Variants in VPS13A observed in about 807,000 individuals in gnomAD.
The protein encoded by VPS13A is vacuolar protein sorting 13 homolog A, also known as intermembrane lipid transfer protein VPS13A.
In VPS13A, 264 loss-of-function variants were observed where a neutral mutation model predicts 390.9. The observed-to-expected ratio is 0.68, with a 90% CI of 0.61 to 0.75. The LOEUF (loss-of-function observed/expected upper bound fraction) is 0.75, where lower values mean the gene tolerates loss of function less well. VPS13A is among the 30% of genes least tolerant of loss of function. The pLI is 0.00. For missense variants in VPS13A, 3,409 were observed against 3,733.9 expected (o/e 0.91, Z 2.27); for synonymous variants, 1,231 against 1,227.1 (o/e 1.00, Z -0.07).
In VPS13A at chr9:77,281,875, G is replaced by T. The variant is rs1827046278; in HGVS notation, c.2913G>T (p.Lys971Asn). ...LLTLEYVKAE[K>N]NVPDLKSTYN... ...GTTTTCTCTTTGGATAGGCTGAAAA[G>T]AATGTACCCGACTTGAAAAGTACCT... Residue 971 changes from lysine (K) to asparagine (N), a missense_variant, in exon 28 of 72, where the codon AAG (lysine) becomes AAT (asparagine). This residue lies in a region of VPS13A where 2,717 missense variants were observed against 2,917.4 expected (regional missense o/e 0.93). Coordinates refer to ENST00000360280, the MANE Select transcript of VPS13A (RefSeq NM_033305.3). The T allele has an allele frequency of 2.5e-6, 4 of 1,602,362 alleles. No individual in the cohort carries two copies. Among genetic ancestry groups the T allele is most frequent in the Non-Finnish European group, 3.4e-6 (4 of 1,170,540 alleles).
intron 19 of VPS13A, among the ~76,000 whole-genome samples, chr9:77,245,929 G>A (rs754221050): frequency 6.6e-6 from 1 of 152,140 alleles, no homozygotes; most frequent in Admixed American, 6.5e-5. Context: ...GAAAGAGTTG[G>A]GGAGCCCACA....
chr9:77,387,804 T>G (rs1311839562), intron 68 of VPS13A, among the ~76,000 whole-genome samples: 1 of 152,220 alleles, frequency 6.6e-6, no homozygotes, highest in Non-Finnish European at 1.5e-5. Flanking sequence ...TGTTGAATGT[T>G]GATTTTAAGT....
intron 45 of VPS13A, among the ~76,000 whole-genome samples, chr9:77,329,253 G>A (rs1043674015): frequency 1.3e-5 from 2 of 152,176 alleles, no homozygotes; most frequent in African/African-American, 4.8e-5. Flanking sequence ...TATCATTTGT[G>A]TGTTCACTGG....
At chr9:77,195,395 A>G (rs1323338361) in intron 1 of VPS13A, among the ~76,000 whole-genome samples, 3 of 150,798 alleles carry the variant, frequency 2.0e-5, no homozygotes, top group Non-Finnish European at 4.4e-5. Flanking sequence ...AAGTGCTGGG[A>G]TTACAGGCGT....
chr9:77,340,563 ATT>A lies in VPS13A; in HGVS notation c.7026+15_7026+16del. 1 of 1,611,692 alleles carries A rather than the reference ATT, an allele frequency of 6.2e-7. No individual in the cohort carries two copies. The highest frequency in any genetic ancestry group is 8.5e-7 in the Non-Finnish European group (1 of 1,179,466). On this transcript the variant is annotated intron_variant, in intron 50 of 71. Coordinates refer to ENST00000360280, the MANE Select transcript of VPS13A (RefSeq NM_033305.3). Reference sequence around the variant, plus strand: ...TGATTTGGAGCAGGTGGGTAGATGAATTTCAAAAATATACCTCTTTGGATTCT... The same window carrying A: ...TGATTTGGAGCAGGTGGGTAGATGAATCAAAAATATACCTCTTTGGATTCT...
chr9:77,231,368 C>T (rs550767010), intron 17 of VPS13A, among the ~76,000 whole-genome samples: 1 of 152,172 alleles, frequency 6.6e-6, no homozygotes, highest in South Asian at 2.1e-4. Flanking sequence ...TAGGTGTGGT[C>T]TGCATCATTT....
chr9:77,290,935 T>C (rs1379004103), intron 31 of VPS13A, among the ~76,000 whole-genome samples: 1 of 152,232 alleles, frequency 6.6e-6, no homozygotes, highest in Non-Finnish European at 1.5e-5. Context: ...TCTGATTCTG[T>C]TGATTCCTTT....
Position 77,420,694 on chromosome 9 carries a change from A to G in VPS13A, c.*4688A>G, listed in dbSNP as rs1564007710. On this transcript the variant is annotated 3_prime_UTR_variant, in exon 72 of 72. Coordinates refer to ENST00000360280, the MANE Select transcript of VPS13A (RefSeq NM_033305.3). The stretch of plus-strand genomic sequence containing the variant: ...GAACTATTCATTTAGTGTTACTCTG[A>G]TATGTTAATAATGTATTCCTTCTAA... 6.6e-6 allele frequency: 1 copy of G among 152,214 alleles called. No homozygotes were observed. The highest frequency in any genetic ancestry group is 2.4e-5 in the African/African-American group (1 of 41,464). 9.4% of individuals were successfully genotyped at this position (152,214 alleles called of 1,614,324 possible).
rs1017574389 is a variant in VPS13A at position 77,213,254 on chromosome 9, G to C, written c.636G>C (p.Leu212=). The change falls in exon 9 of 72, where the codon CTG becomes CTC. Residue 212 remains leucine (L), a synonymous_variant. Transcript: ENST00000360280. ...LVRKLIRLDN[L]FAYWNVKSQM... The stretch of plus-strand genomic sequence containing the variant: ...TTCAGTTAATCCGATTGGATAACCT[G>C]TTTGCCTATTGGAATGTGAAGTCTC... The C allele has an allele frequency of 4.7e-5, 76 of 1,613,548 alleles. No homozygotes were observed. The highest frequency in any genetic ancestry group is 6.2e-5 in the Non-Finnish European group (73 of 1,179,846).
At chr9:77,340,099 T>A in intron 48 of VPS13A, 79 bp from the exon 49 acceptor site, 1 of 1,438,126 alleles carries the variant, frequency 7.0e-7, no homozygotes, top group Non-Finnish European at 9.7e-7. Context: ...TTGTTTATGC[T>A]AAAAAGTAAT....
At chr9:77,191,683 G>T in intron 1 of VPS13A, among the ~76,000 whole-genome samples, 1 of 152,132 alleles carries the variant, frequency 6.6e-6, no homozygotes, top group East Asian at 1.9e-4. Flanking sequence ...CCATGGAATT[G>T]TATGGTTTTG....
chr9:77,361,158 T>G (rs539942884), intron 59 of VPS13A, among the ~76,000 whole-genome samples: 1 of 152,262 alleles, frequency 6.6e-6, no homozygotes, highest in East Asian at 1.9e-4. Context: ...ATTTCACCCA[T>G]TTAAAAGATA....
chr9:77,205,888 C>T (rs1402992717), intron 4 of VPS13A, 90 bp from the exon 5 acceptor site: 18 of 1,040,274 alleles, frequency 1.7e-5, no homozygotes, highest in Non-Finnish European at 2.1e-5. Context: ...CCGCGCCCGG[C>T]CAATTAATGA....
At chr9:77,228,775 C>T (rs1026996550) in intron 17 of VPS13A, among the ~76,000 whole-genome samples, 6 of 152,144 alleles carry the variant, frequency 3.9e-5, no homozygotes, top group African/African-American at 1.4e-4. Flanking sequence ...ACCAACAGCT[C>T]CACATGGCTG....
chr9:77,283,686 T>A, intron 31 of VPS13A, 36 bp downstream of exon 31: 1 of 1,458,460 alleles, frequency 6.9e-7, no homozygotes. Context: ...AGTACATCAT[T>A]AAATAGGATT....
At chr9:77,227,532 A>G (rs868317403) in intron 16 of VPS13A, 47 bp downstream of exon 16, 12 of 1,384,216 alleles carry the variant, frequency 8.7e-6, no homozygotes, top group Middle Eastern at 4.0e-4. Context: ...TTATTTATTT[A>G]TTTGTTTAGA....
chr9:77,285,692 G>A (rs943752890), intron 31 of VPS13A, among the ~76,000 whole-genome samples: 19 of 152,218 alleles, frequency 1.2e-4, no homozygotes, highest in African/African-American at 4.6e-4. Context: ...TATAGAATTT[G>A]CATTATTCCT....
intron 68 of VPS13A, among the ~76,000 whole-genome samples, chr9:77,398,618 GAC>G (rs1231240968): frequency 2.6e-5 from 4 of 152,092 alleles, no homozygotes; most frequent in Non-Finnish European, 5.9e-5. Flanking sequence ...ACTACAACGT[GAC>G]ATTTGTAGAC....
At chr9:77,382,830 A>T (rs185425969) in intron 68 of VPS13A, 1 of 985,400 alleles carries the variant, frequency 1.0e-6, no homozygotes, top group African/African-American at 1.7e-5. Flanking sequence ...ATCTGGAACA[A>T]TAGACAGTTT....
Sources: allele counts gnomAD v4.1 joint callset (sites outside exome capture counted in the v4.1 genomes callset), GRCh38; gene constraint gnomAD v4.1.1; regional missense constraint gnomAD v4.1.1; transcripts MANE v1.5; gene names NCBI Gene and HGNC (gene_info 2026-07-23, HGNC 2026-07-21).